The following ALX1 variants were observed in gnomAD, a reference collection of about 807,000 sequenced individuals.
ALX1 encodes ALX homeobox 1, also known as ALX homeobox protein 1.
ALX1 carries 19 observed loss-of-function variants against 31.7 expected under a neutral mutation model. That is an observed-to-expected ratio of 0.60 (90% CI 0.42 to 0.88). The LOEUF is 0.88. Among genes scored for constraint, ALX1 ranks in the 40% least tolerant of loss-of-function variants. The probability of loss-of-function intolerance (pLI) is 0.00; values close to 1 mark genes in which losing one functional copy is unlikely to be tolerated. For missense variants in ALX1, 415 were observed against 407.8 expected (o/e 1.02, Z -0.15); for synonymous variants, 153 against 148.8 (o/e 1.03, Z -0.20).
At chr12:85,294,018 C>T (rs940603410) in intron 3 of ALX1, among the ~76,000 whole-genome samples, 2 of 151,006 alleles carry the variant, frequency 1.3e-5, no homozygotes, top group Non-Finnish European at 3.0e-5. Flanking sequence ...AATAAAATGT[C>T]GACTTTGTAG....
rs1009279125 is a variant in ALX1 at position 85,301,622 on chromosome 12, T to C, written c.*147T>C. The C allele has an allele frequency of 1.7e-5, 14 of 837,250 alleles. No homozygotes were observed. The highest frequency in any genetic ancestry group is 2.2e-5 in the Non-Finnish European group (12 of 540,052). 51.9% of individuals were successfully genotyped at this position (837,250 alleles called of 1,614,324 possible). On this transcript the variant is annotated 3_prime_UTR_variant, in exon 4 of 4. Coordinates refer to ENST00000316824, the MANE Select transcript of ALX1 (RefSeq NM_006982.3). The stretch of plus-strand genomic sequence containing the variant: ...GACCAGCTTAAATGAATAGTTGTTA[T>C]TTAACATTAAAATCTAAGAATGAAC...
At chr12:85,292,511 A>G (rs1896831344) in intron 3 of ALX1, among the ~76,000 whole-genome samples, 1 of 151,140 alleles carries the variant, frequency 6.6e-6, no homozygotes, top group Non-Finnish European at 1.5e-5. Flanking sequence ...GACTTCATAA[A>G]TATATGCCAC....
At position 85,301,174 on chromosome 12, in the gene ALX1, C is replaced by T. The variant is rs1335299005; in HGVS notation, c.680C>T (p.Ala227Val). The change falls in exon 4 of 4, where the codon GCA (alanine) becomes GTA (valine). Residue 227 changes from alanine to valine, a missense_variant. Coordinates refer to ENST00000316824, the MANE Select transcript of ALX1 (RefSeq NM_006982.3). ...TTCCAGATTCAGAACAATTTGTGGG[C>T]AGGAAATGCAAGTGGTGGTTCTGTG... ...SYPQIQNNLW[A>V]GNASGGSVVT... 1 of 1,613,912 alleles carries T rather than the reference C, an allele frequency of 6.2e-7. No individual in the cohort carries two copies. The highest frequency in any genetic ancestry group is 8.5e-7 in the Non-Finnish European group (1 of 1,179,876).
intron 3 of ALX1, among the ~76,000 whole-genome samples, chr12:85,300,010 G>A (rs1459810325): frequency 2.0e-5 from 3 of 151,886 alleles, no homozygotes; most frequent in African/African-American, 7.2e-5. Context: ...AAAGCATTCA[G>A]TTTTATTTCA....
intron 3 of ALX1, among the ~76,000 whole-genome samples, chr12:85,287,437 GT>G: frequency 6.7e-6 from 1 of 149,298 alleles, no homozygotes; most frequent in East Asian, 1.9e-4. Flanking sequence ...ATTTAAAAAT[GT>G]GTCTCTTTTT....
chr12:85,285,261 T>C (rs1419066305), intron 2 of ALX1, among the ~76,000 whole-genome samples: 1 of 152,062 alleles, frequency 6.6e-6, no homozygotes, highest in South Asian at 2.1e-4. Flanking sequence ...GAGAGCCAAC[T>C]TGAACTTAAT....
chr12:85,296,027 A>G (rs1896883710), intron 3 of ALX1, among the ~76,000 whole-genome samples: 1 of 151,490 alleles, frequency 6.6e-6, no homozygotes, highest in Non-Finnish European at 1.5e-5. Context: ...ACACCGTGCT[A>G]TTTTACAATT....
intron 3 of ALX1, among the ~76,000 whole-genome samples, chr12:85,289,475 G>A (rs1009444091): frequency 6.6e-6 from 1 of 151,058 alleles, no homozygotes; most frequent in Non-Finnish European, 1.5e-5. Flanking sequence ...TCACTCCAAT[G>A]AAAAATTAAT....
At chr12:85,291,354 C>G (rs80159933) in intron 3 of ALX1, among the ~76,000 whole-genome samples, 1 of 151,052 alleles carries the variant, frequency 6.6e-6, no homozygotes, top group Non-Finnish European at 1.5e-5. Context: ...AATTTGCAAA[C>G]ACTTCTTGGT....
intron 3 of ALX1, among the ~76,000 whole-genome samples, chr12:85,295,109 T>G (rs1172101208): frequency 1.3e-5 from 2 of 151,410 alleles, no homozygotes; most frequent in Non-Finnish European, 3.0e-5. Context: ...ATACTCAGAT[T>G]AATCTTTTCA....
At chr12:85,296,922 T>A (rs34092650) in intron 3 of ALX1, among the ~76,000 whole-genome samples, 1 of 42,936 alleles carries the variant, frequency 2.3e-5, no homozygotes, top group South Asian at 1.9e-3. Flanking sequence ...AAATTAATAT[T>A]TTTTTACTTC....
chr12:85,291,745 G>A (rs1424513561), intron 3 of ALX1, among the ~76,000 whole-genome samples: 1 of 150,774 alleles, frequency 6.6e-6, no homozygotes, highest in South Asian at 2.1e-4. Flanking sequence ...TGATCAAGAC[G>A]ATGATGGTTT....
At chr12:85,288,430 G>A (rs111276544) in intron 3 of ALX1, among the ~76,000 whole-genome samples, 46 of 151,482 alleles carry the variant, frequency 3.0e-4, no homozygotes, top group African/African-American at 9.9e-4. Context: ...ACCATCATAG[G>A]GCTAGTCAAA....
rs777173766 is a variant in ALX1, at chr12:85,283,725, T to C, written c.380T>C (p.Val127Ala). Residue 127 changes from valine to alanine, a missense_variant, in exon 2 of 4, where the codon GTA (valine) becomes GCA (alanine). Val to Ala is a moderately conservative substitution (Grantham distance 64). Around this residue, in one of 3 missense-constraint regions of ALX1, gnomAD observed 235 missense variants for 208.9 expected, o/e 1.13. Transcript: ENST00000316824. ...CTTGGGGATAAATGTGATAGCAATG[T>C]ATCCAGCAGTAAGAAACGGAGGCAC... ...DELGDKCDSN[V>A]SSSKKRRHRT... The C allele has an allele frequency of 5.6e-6, 9 of 1,614,014 alleles. No homozygotes were observed. Among genetic ancestry groups the C allele is most frequent in the Non-Finnish European group, 5.1e-6 (6 of 1,180,018 alleles).
At chr12:85,288,210 G>A (rs1416507163) in intron 3 of ALX1, among the ~76,000 whole-genome samples, 2 of 151,460 alleles carry the variant, frequency 1.3e-5, no homozygotes, top group Non-Finnish European at 3.0e-5. Flanking sequence ...ATACAAGTGG[G>A]TTCCTGCAGG....
chr12:85,282,477 A>T (rs1438966229), intron 1 of ALX1, among the ~76,000 whole-genome samples: 1 of 152,156 alleles, frequency 6.6e-6, no homozygotes, highest in East Asian at 1.9e-4. Context: ...ACTTGAATAT[A>T]TTTGTATAAT....
At chr12:85,285,340 G>T (rs1318369233) in intron 2 of ALX1, among the ~76,000 whole-genome samples, 1 of 151,728 alleles carries the variant, frequency 6.6e-6, no homozygotes, top group Admixed American at 6.6e-5. Context: ...TAAGGAAATT[G>T]TCAAGTTCTT....
At chr12:85,296,968 G>T (rs764366131) in intron 3 of ALX1, among the ~76,000 whole-genome samples, 1 of 151,498 alleles carries the variant, frequency 6.6e-6, no homozygotes, top group Admixed American at 6.6e-5. Flanking sequence ...TTCCTTTAAC[G>T]AATCAGAGTG....
At chr12:85,301,091 A>G in intron 3 of ALX1, 64 bp from the exon 4 acceptor site, 1 of 1,589,188 alleles carries the variant, frequency 6.3e-7, no homozygotes, top group Non-Finnish European at 8.6e-7. Flanking sequence ...ATACAACTTA[A>G]CAAAAGTAAG....
Sources: gnomAD v4.1 joint callset for allele counts (sites outside exome capture counted in the v4.1 genomes callset) on GRCh38, gnomAD v4.1.1 for gene constraint, gnomAD v4.1.1 regional missense constraint, MANE v1.5 for transcripts, NCBI Gene and HGNC (gene_info 2026-07-23, HGNC 2026-07-21) for gene names.